Variants in MLYCD observed in about 807,000 individuals in gnomAD.
MLYCD encodes malonyl-CoA decarboxylase, mitochondrial.
In MLYCD, 27 loss-of-function variants were observed where a neutral mutation model predicts 35.8. That is an observed-to-expected ratio of 0.75 (90% confidence interval 0.56 to 1.04). The LOEUF is 1.04. Among genes scored for constraint, MLYCD ranks in the 50% least tolerant of loss-of-function variants. The pLI is 0.00. For missense variants in MLYCD, 917 were observed against 665.1 expected (o/e 1.38, Z -4.17); for synonymous variants, 403 against 302.4 (o/e 1.33, Z -3.45).
In MLYCD at chr16:83,908,246, C is replaced by G. The variant is rs773274796; in HGVS notation, c.762C>G (p.His254Gln). Residue 254 changes from histidine to glutamine, a missense_variant, in exon 3 of 5, where the codon CAC (histidine) becomes CAG (glutamine). Transcript: ENST00000262430. ...STPGEPLVVL[H>Q]VALTGDISSN... ...CTGGGGAGCCCCTGGTCGTTTTGCA[C>G]GTGGCACTGACTGGTGACATCTCCA... is the stretch of plus-strand genomic sequence containing the variant. The G allele has an allele frequency of 1.2e-6, 2 of 1,614,028 alleles. No individual in the cohort carries two copies. The highest frequency in any genetic ancestry group is 2.7e-5 in the African/African-American group (2 of 74,910).
Position 83,911,975 on chromosome 16 carries a change from G to A in MLYCD, c.799-243G>A, listed in dbSNP as rs543067109. 7.4e-6 allele frequency: 4 copies of A among 539,464 alleles called. No homozygotes were observed. In the East Asian group the frequency reaches 1.0e-4, roughly 14 times the overall value. The allele number at this position is 539,464 out of a possible 1,614,324, so 33.4% of individuals were successfully genotyped here. A position where few individuals can be genotyped will look rare whatever the true frequency, so the allele number is the denominator to read the frequency against. The stretch of plus-strand genomic sequence containing the variant: ...CATTGCTCTTCAACAAAGTTTGCAT[G>A]AAAATTTCAAGAAACGATGCAGTGC... On this transcript the variant is annotated intron_variant, in intron 3 of 4. Coordinates refer to ENST00000262430, the MANE Select transcript of MLYCD (RefSeq NM_012213.3).
At position 83,905,971 on chromosome 16, in the gene MLYCD, A is replaced by T. The variant is rs192801294; in HGVS notation, c.529-1016A>T. On this transcript the variant is annotated intron_variant, in intron 1 of 4. Coordinates refer to ENST00000262430, the MANE Select transcript of MLYCD (RefSeq NM_012213.3). ...TTGGGTGGTCAAGTCAATTCACATC[A>T]TTTTTGGAAGTAGATACAATATAAA... Among the ~76,000 whole-genome samples the T allele has an allele frequency of 4.6e-3, 706 of 152,312 alleles. 4 individuals carry two copies. Among genetic ancestry groups the T allele is most frequent in the African/African-American group, 0.016 (670 of 41,556 alleles).
chr16:83,914,615 T>C (rs1907303336), intron 4 of MLYCD: 3 of 372,528 alleles, frequency 8.1e-6, no homozygotes, highest in Non-Finnish European at 1.5e-5. Context: ...CACATCAGGT[T>C]CCTGATAAAT....
intron 1 of MLYCD, among the ~76,000 whole-genome samples, chr16:83,905,038 A>T (rs531602238): frequency 6.6e-6 from 1 of 151,998 alleles, no homozygotes; most frequent in Admixed American, 6.6e-5. Context: ...AAAACCTGCA[A>T]CTCTTTCTCA....
intron 3 of MLYCD, among the ~76,000 whole-genome samples, chr16:83,909,102 G>A (rs1024434973): frequency 2.0e-5 from 3 of 152,152 alleles, no homozygotes; most frequent in African/African-American, 7.2e-5. Flanking sequence ...TACAATGTTT[G>A]TGTGTGAAAG....
intron 1 of MLYCD, among the ~76,000 whole-genome samples, chr16:83,902,761 C>T (rs1162991881): frequency 1.3e-5 from 2 of 152,174 alleles, no homozygotes; most frequent in Non-Finnish European, 2.9e-5. Flanking sequence ...CCGCCTTGGC[C>T]TTCCAAAGTG....
In MLYCD at chr16:83,917,058, A is replaced by G. The variant is rs1317617972; in HGVS notation, c.*1569A>G. The stretch of plus-strand genomic sequence containing the variant: ...CGTGTGCACAAGCGTCTCTGTGTGG[A>G]TCAGTGCACGTCTGTGTGCGTGTGC... On this transcript the variant is annotated 3_prime_UTR_variant, in exon 5 of 5. Coordinates refer to ENST00000262430, the MANE Select transcript of MLYCD (RefSeq NM_012213.3). The G allele has an allele frequency of 5.2e-5, 3 of 57,272 alleles. No individual in the cohort carries two copies. Among genetic ancestry groups the G allele is most frequent in the Admixed American group, 4.4e-4 (2 of 4,588 alleles). 3.5% of individuals were successfully genotyped at this position (57,272 alleles called of 1,614,324 possible). A position where few individuals can be genotyped will look rare whatever the true frequency, so the allele number is the denominator to read the frequency against.
chr16:83,899,494 G>T lies in MLYCD; in HGVS notation c.350G>T (p.Arg117Leu), dbSNP rs749905098. Residue 117 changes from arginine (R) to leucine (L), a missense_variant, in exon 1 of 5, where the codon CGG becomes CTG. By Grantham distance (102) the Arg-to-Leu change is moderately radical (BLOSUM62 -2). Coordinates refer to ENST00000262430, the MANE Select transcript of MLYCD (RefSeq NM_012213.3). ...GTGCTCCATCTGCGCCAGCAGCAGC[G>T]GGAGGCGGCGGTGCTGCTGCAGGCC... ...AGVLHLRQQQ[R>L]EAAVLLQAED... 1.9e-6 allele frequency: 3 copies of T among 1,567,688 alleles called. No homozygotes were observed. Among genetic ancestry groups the T allele is most frequent in the Non-Finnish European group, 2.6e-6 (3 of 1,167,334 alleles).
intron 3 of MLYCD, 68 bp from the exon 4 acceptor site, chr16:83,912,150 C>G: frequency 6.2e-7 from 1 of 1,604,774 alleles, no homozygotes; most frequent in Non-Finnish European, 8.5e-7. Context: ...CTCGTCCCAG[C>G]AACAGGCTTG....
intron 3 of MLYCD, among the ~76,000 whole-genome samples, chr16:83,910,471 C>T (rs1338645352): frequency 1.3e-5 from 2 of 152,046 alleles, no homozygotes; most frequent in African/African-American, 4.8e-5. Context: ...AGCCGGATCA[C>T]CTGAGGTCAG....
chr16:83,917,099 G>T lies in MLYCD; in HGVS notation c.*1610G>T, dbSNP rs1325341536. 15 of 9,722 alleles carry T rather than the reference G, an allele frequency of 1.5e-3. 1 individual carries two copies. The highest frequency in any genetic ancestry group is 9.4e-3 in the East Asian group (2 of 212). The allele number at this position is 9,722 out of a possible 1,614,324, so 0.6% of individuals were successfully genotyped here. On this transcript the variant is annotated 3_prime_UTR_variant, in exon 5 of 5. Transcript: ENST00000262430. ...GTGCGTGTGCACGAGCGTCTCTGTGGATCAGTGCACGTCTGTGTGCGTGTG... is the reference window on the plus strand; with the variant it reads ...GTGCGTGTGCACGAGCGTCTCTGTGTATCAGTGCACGTCTGTGTGCGTGTG...
At chr16:83,911,213 C>A (rs1473440104) in intron 3 of MLYCD, among the ~76,000 whole-genome samples, 1 of 152,118 alleles carries the variant, frequency 6.6e-6, no homozygotes. Context: ...CTCCTGACCT[C>A]GTGATCTGCC....
chr16:83,913,883 A>G (rs1485375058), intron 4 of MLYCD: 1 of 151,454 alleles, frequency 6.6e-6, no homozygotes, highest in East Asian at 1.9e-4. Context: ...CGAGAGGAAC[A>G]TGGTGAGGAA....
chr16:83,905,447 C>T (rs1252109782), intron 1 of MLYCD, among the ~76,000 whole-genome samples: 1 of 152,082 alleles, frequency 6.6e-6, no homozygotes, highest in African/African-American at 2.4e-5. Context: ...AGAAGTTTGT[C>T]TGTCATGTGA....
rs117897238 is a variant in MLYCD at position 83,909,948 on chromosome 16, T to C, written c.798+1666T>C. Among the ~76,000 whole-genome samples the C allele has an allele frequency of 6.6e-3, 1,008 of 152,200 alleles. 9 individuals carry two copies. The highest frequency in any genetic ancestry group is 0.014 in the Middle Eastern group (4 of 294). ...CCGTGCCCGGCTGATATAGGTATTATTATGAGAAAACCGAGGCTTGAGGGA... is the reference window on the plus strand; with the variant it reads ...CCGTGCCCGGCTGATATAGGTATTACTATGAGAAAACCGAGGCTTGAGGGA... On this transcript the variant is annotated intron_variant, in intron 3 of 4. Coordinates refer to ENST00000262430, the MANE Select transcript of MLYCD (RefSeq NM_012213.3).
Position 83,915,535 on chromosome 16 carries a change from C to A in MLYCD, c.*46C>A. ...ACAGGGCCCCGGCTAAGAAAACGAT[C>A]ATTTTCAGGAGGGGCCGGGAGTTAT... On this transcript the variant is annotated 3_prime_UTR_variant, in exon 5 of 5. Coordinates refer to ENST00000262430, the MANE Select transcript of MLYCD (RefSeq NM_012213.3). 1.3e-6 allele frequency: 2 copies of A among 1,598,110 alleles called. No homozygotes were observed. The highest frequency in any genetic ancestry group is 2.2e-5 in the South Asian group (2 of 90,294).
rs1434849089 is a variant in MLYCD at position 83,924,338 on chromosome 16, C to T, written c.*8849C>T. ...AGTTGAGTAGAACAGCTGGCGTCAC[C>T]TCTTCATGTTGACGAGGGGAGATGA... On this transcript the variant is annotated 3_prime_UTR_variant, in exon 5 of 5. Transcript: ENST00000262430. 1 of 152,244 alleles carries T rather than the reference C, an allele frequency of 6.6e-6. No individual in the cohort carries two copies. Among genetic ancestry groups the T allele is most frequent in the African/African-American group, 2.4e-5 (1 of 41,436 alleles). 9.4% of individuals were successfully genotyped at this position (152,244 alleles called of 1,614,324 possible).
In MLYCD at chr16:83,899,649, C is replaced by G. The variant is rs771885443; in HGVS notation, c.505C>G (p.Leu169Val). The G allele has an allele frequency of 2.6e-6, 4 of 1,544,530 alleles. No homozygotes were observed. Among genetic ancestry groups the G allele is most frequent in the Admixed American group, 1.9e-5 (1 of 52,196 alleles). The stretch of plus-strand genomic sequence containing the variant: ...CCTGCTGGAGGCGCAGGCCCTCAAG[C>G]TGGTGGAGGGGCCGGACGTCCGGGT... ...ADLLEAQALK[L>V]VEGPDVREMN... The change falls in exon 1 of 5, where the codon CTG becomes GTG. Residue 169 changes from leucine to valine, a missense_variant. Physicochemically the swap from Leu to Val is conservative, Grantham distance 32 (BLOSUM62 1). Coordinates refer to ENST00000262430, the MANE Select transcript of MLYCD (RefSeq NM_012213.3).
rs1907643341 is a variant in MLYCD, at chr16:83,921,230, TGGAA to T, written c.*5747_*5750del. 7.0e-6 allele frequency: 1 copy of T among 143,432 alleles called. No individual in the cohort carries two copies. Among genetic ancestry groups the T allele is most frequent in the Non-Finnish European group, 1.5e-5 (1 of 66,002 alleles). 8.9% of individuals were successfully genotyped at this position (143,432 alleles called of 1,614,324 possible). ...TGATGGATGGGTGGTAGAGGGTGGATGGAAGGAAGATGGATGAATAGATGGGTGG... is the reference window on the plus strand; with the variant it reads ...TGATGGATGGGTGGTAGAGGGTGGATGGAAGATGGATGAATAGATGGGTGG... On this transcript the variant is annotated 3_prime_UTR_variant, in exon 5 of 5. Coordinates refer to ENST00000262430, the MANE Select transcript of MLYCD (RefSeq NM_012213.3).
Sources: gnomAD v4.1 joint callset for allele counts (sites outside exome capture counted in the v4.1 genomes callset) on GRCh38, gnomAD v4.1.1 for gene constraint, MANE v1.5 for transcripts, NCBI Gene and HGNC (gene_info 2026-07-23, HGNC 2026-07-21) for gene names.